The following P4HA1 variants were observed in gnomAD, a reference collection of about 807,000 sequenced individuals.
The protein encoded by P4HA1 is prolyl 4-hydroxylase subunit alpha-1.
Under a neutral mutation model 72.8 loss-of-function variants are expected in P4HA1, and 24 were observed. The ratio of observed to expected loss-of-function variants is 0.33; its 90% CI spans 0.24 to 0.46. P4HA1 has a LOEUF of 0.46. Ranked by LOEUF, P4HA1 falls within the 20% of genes least tolerant of loss-of-function variation. The probability of loss-of-function intolerance (pLI) is 1.00; values close to 1 mark genes in which losing one functional copy is unlikely to be tolerated. For missense variants in P4HA1, 446 were observed against 640.6 expected, an observed-to-expected ratio of 0.70 and a Z score of 3.28; for synonymous variants, 201 against 218.8, an observed-to-expected ratio of 0.92 and a Z score of 0.72.
chr10:73,012,819 A>T (rs1470727031), intron 12 of P4HA1, among the ~76,000 whole-genome samples: 1 of 152,150 alleles, frequency 6.6e-6, no homozygotes, highest in Non-Finnish European at 1.5e-5. Flanking sequence ...TTTGAGATGG[A>T]GCCACGCTCC....
chr10:73,068,071 A>G lies in P4HA1; in HGVS notation c.463+775T>C, dbSNP rs147240839. On this transcript the variant is annotated intron_variant, in intron 5 of 14. Transcript: ENST00000394890. ...ATTTGCAAATTTGTACATTTTTGGAAGTTCAAATTAATGGAATTATATTCC... is the reference window on the plus strand; with the variant it reads ...ATTTGCAAATTTGTACATTTTTGGAGGTTCAAATTAATGGAATTATATTCC... 2.6e-5 allele frequency among the ~76,000 whole-genome samples: 4 copies of G among 152,336 alleles called. No individual in the cohort carries two copies. The East Asian group carries it at 7.7e-4, about 29-fold the overall frequency.
At chr10:73,059,750 T>A (rs944603953) in intron 5 of P4HA1, among the ~76,000 whole-genome samples, 2 of 147,406 alleles carry the variant, frequency 1.4e-5, no homozygotes, top group Admixed American at 6.7e-5. Flanking sequence ...CTGAAAAAAA[T>A]AATAATAAAA....
At chr10:73,027,857 G>GGAGGGAGGGAGA (rs1840325930) in intron 10 of P4HA1, among the ~76,000 whole-genome samples, 1 of 125,156 alleles carries the variant, frequency 8.0e-6, no homozygotes, top group Non-Finnish European at 1.6e-5. Flanking sequence ...AGAGAGGAGG[G>GGAGGGAGGGAGA]GAGGGAGGGA....
chr10:73,033,264 T>G (rs1840482430), intron 9 of P4HA1, among the ~76,000 whole-genome samples: 2 of 152,228 alleles, frequency 1.3e-5, no homozygotes, highest in Non-Finnish European at 2.9e-5. Context: ...ATGAACAAAC[T>G]GTTCCTATTC....
chr10:73,078,815 T>C (rs899163551), intron 1 of P4HA1, among the ~76,000 whole-genome samples: 20 of 152,114 alleles, frequency 1.3e-4, no homozygotes, highest in South Asian at 6.2e-4. Flanking sequence ...TTTTGCCACA[T>C]TGGCCAGGCT....
intron 5 of P4HA1, among the ~76,000 whole-genome samples, chr10:73,057,552 T>G (rs1008090031): frequency 6.6e-6 from 1 of 152,018 alleles, no homozygotes; most frequent in African/African-American, 2.4e-5. Flanking sequence ...GTCTGTCTAC[T>G]TGGAATTCTA....
chr10:73,011,325 A>T (rs1839905820), intron 12 of P4HA1, among the ~76,000 whole-genome samples: 1 of 152,224 alleles, frequency 6.6e-6, no homozygotes, highest in African/African-American at 2.4e-5. Flanking sequence ...AGAGGGAAAA[A>T]GTAATGACTT....
chr10:73,034,559 C>G (rs981638346), intron 9 of P4HA1, among the ~76,000 whole-genome samples: 1 of 149,152 alleles, frequency 6.7e-6, no homozygotes, highest in African/African-American at 2.5e-5. Flanking sequence ...TCAATTCTAG[C>G]TTATTTCACT....
rs1840823890 is a variant in P4HA1, at chr10:73,045,126, T to G, written c.1078-75A>C. ...TCACATTTACCCAACCAGTCAGAATTCCAGGGTTTTTACAAAGGAGGCTAA... is the reference window on the plus strand; with the variant it reads ...TCACATTTACCCAACCAGTCAGAATGCCAGGGTTTTTACAAAGGAGGCTAA... On this transcript the variant is annotated intron_variant, in intron 8 of 14. Coordinates refer to ENST00000394890, the MANE Select transcript of P4HA1 (RefSeq NM_001017962.3). 4 of 1,236,156 alleles carry G rather than the reference T, an allele frequency of 3.2e-6. No individual in the cohort carries two copies. The East Asian group carries it at 9.4e-5, about 29-fold the overall frequency. 76.6% of individuals were successfully genotyped at this position (1,236,156 alleles called of 1,614,324 possible).
At chr10:73,079,745 A>G (rs113160471) in intron 1 of P4HA1, among the ~76,000 whole-genome samples, 7,342 of 152,094 alleles carry the variant, frequency 0.048, 558 homozygotes, top group African/African-American at 0.16. Context: ...TTTGTCTCAA[A>G]ATAAATAAAT....
chr10:73,046,129 A>G (rs1840857188), intron 8 of P4HA1, among the ~76,000 whole-genome samples: 1 of 152,192 alleles, frequency 6.6e-6, no homozygotes, highest in South Asian at 2.1e-4. Flanking sequence ...TAGTCATGAC[A>G]GAGATCATAT....
At chr10:73,040,516 G>A (rs1000210352) in intron 9 of P4HA1, among the ~76,000 whole-genome samples, 5 of 140,284 alleles carry the variant, frequency 3.6e-5, no homozygotes, top group African/African-American at 1.4e-4. Flanking sequence ...TCTCTCTGTC[G>A]CCAGGCTGGA....
At chr10:73,062,013 T>C (rs965131614) in intron 5 of P4HA1, among the ~76,000 whole-genome samples, 7 of 152,150 alleles carry the variant, frequency 4.6e-5, no homozygotes, top group Non-Finnish European at 8.8e-5. Context: ...AGTGAAATCT[T>C]GCCTCAAAAA....
intron 4 of P4HA1, among the ~76,000 whole-genome samples, chr10:73,070,244 A>G (rs111312392): frequency 0.17 from 23,004 of 136,426 alleles, 2,993 homozygotes; most frequent in African/African-American, 0.36. Flanking sequence ...GGCAACCTCC[A>G]ACTCCCGGTT....
At chr10:73,019,158 C>T (rs1840077000) in intron 10 of P4HA1, among the ~76,000 whole-genome samples, 1 of 152,170 alleles carries the variant, frequency 6.6e-6, no homozygotes, top group South Asian at 2.1e-4. Flanking sequence ...ACCACCACTG[C>T]AAACTTCTCC....
intron 5 of P4HA1, among the ~76,000 whole-genome samples, chr10:73,054,908 C>G (rs577162460): frequency 1.2e-4 from 19 of 152,174 alleles, no homozygotes; most frequent in Non-Finnish European, 2.5e-4. Flanking sequence ...GGAAAAAATA[C>G]CTTTTCAAAG....
intron 5 of P4HA1, among the ~76,000 whole-genome samples, chr10:73,063,676 A>G (rs1253536641): frequency 6.6e-6 from 1 of 152,214 alleles, no homozygotes; most frequent in Non-Finnish European, 1.5e-5. Context: ...TATGCCATTA[A>G]TCCACGCAGA....
In P4HA1 at chr10:73,070,911, T is replaced by C. The variant is rs538773754; in HGVS notation, c.325+1118A>G. ...AAAATGGTTCAGGGGCCAGGAACCA[T>C]GGCTCACGCGTGTAATCCCTAGCGC... On this transcript the variant is annotated intron_variant, in intron 4 of 14. Transcript: ENST00000394890. Among the ~76,000 whole-genome samples, 3 of 152,294 alleles carry C rather than the reference T, an allele frequency of 2.0e-5. No individual in the cohort carries two copies. The East Asian group carries it at 5.8e-4, about 29-fold the overall frequency.
intron 9 of P4HA1, among the ~76,000 whole-genome samples, chr10:73,037,571 A>ATAT (rs1238501206): frequency 1.2e-3 from 36 of 30,602 alleles, no homozygotes; most frequent in Non-Finnish European, 1.4e-3. Context: ...ATATATATAT[A>ATAT]TTTTTTTTTT....
Sources: allele counts gnomAD v4.1 joint callset (sites outside exome capture counted in the v4.1 genomes callset), GRCh38; gene constraint gnomAD v4.1.1; transcripts MANE v1.5; gene names NCBI Gene and HGNC (gene_info 2026-07-23, HGNC 2026-07-21).